LIMS1: variants seen among roughly 807,000 people sequenced by gnomAD.
LIMS1 encodes LIM and senescent cell antigen-like-containing domain protein 1.
A neutral mutation model predicts 44.1 loss-of-function variants in LIMS1; 18 were observed. The ratio of observed to expected loss-of-function variants is 0.41; its 90% CI spans 0.28 to 0.61. The LOEUF is 0.61. Ranked by LOEUF, LIMS1 falls within the 20% of genes least tolerant of loss-of-function variation. LIMS1 has a pLI of 0.32. For synonymous variants in LIMS1, 93 were observed against 149.1 expected, an observed-to-expected ratio of 0.62 and a Z score of 2.74; for missense variants, 201 against 422.0, an observed-to-expected ratio of 0.48 and a Z score of 4.59.
At chr2:108,608,867 A>G (rs929756584) in intron 1 of LIMS1, among the ~76,000 whole-genome samples, 1 of 152,176 alleles carries the variant, frequency 6.6e-6, no homozygotes, top group Non-Finnish European at 1.5e-5. Context: ...AGGGGGATCA[A>G]ATGAAATAGT....
chr2:108,627,999 G>C (rs550411239), intron 1 of LIMS1, among the ~76,000 whole-genome samples: 6 of 152,288 alleles, frequency 3.9e-5, no homozygotes, highest in East Asian at 3.9e-4. Flanking sequence ...AGAAACCAGC[G>C]TGTCAGCAGG....
chr2:108,590,511 T>C (rs936774551), intron 1 of LIMS1, among the ~76,000 whole-genome samples: 1 of 152,166 alleles, frequency 6.6e-6, no homozygotes, highest in Non-Finnish European at 1.5e-5. Flanking sequence ...TTAAAAAATA[T>C]ACAAAAATAA....
exon 10 of LIMS1, chr2:108,686,969 A>G (rs1381148553): frequency 6.6e-6 from 1 of 152,200 alleles, no homozygotes; most frequent in African/African-American, 2.4e-5. Context: ...AGCAAGTGTA[A>G]CATAATCAGG....
At chr2:108,686,192 A>C (rs1372381389) in exon 10 of LIMS1, 1 of 149,020 alleles carries the variant, frequency 6.7e-6, no homozygotes, top group Non-Finnish European at 1.5e-5. Context: ...GGTGGCGGGC[A>C]CCTGCAGTCC....
At chr2:108,544,898 T>G (rs1684435014) in intron 1 of LIMS1, among the ~76,000 whole-genome samples, 1 of 152,202 alleles carries the variant, frequency 6.6e-6, no homozygotes, top group African/African-American at 2.4e-5. Context: ...ATATGTATCC[T>G]TAAAAGATAA....
chr2:108,616,877 T>G (rs898166187), intron 1 of LIMS1, among the ~76,000 whole-genome samples: 5 of 152,198 alleles, frequency 3.3e-5, no homozygotes, highest in Admixed American at 3.3e-4. Context: ...GTTTGCCAGA[T>G]GAATGTGTGT....
At chr2:108,621,698 C>T (rs1688251513) in intron 1 of LIMS1, among the ~76,000 whole-genome samples, 2 of 152,122 alleles carry the variant, frequency 1.3e-5, no homozygotes, top group African/African-American at 2.4e-5. Flanking sequence ...TTCTCCAAAC[C>T]TACAGTGTTG....
intron 1 of LIMS1, among the ~76,000 whole-genome samples, chr2:108,634,284 G>A (rs1356473211): frequency 6.6e-6 from 1 of 152,204 alleles, no homozygotes; most frequent in Non-Finnish European, 1.5e-5. Context: ...TGACTCTCAT[G>A]TTAATTCAGC....
chr2:108,609,507 A>G (rs1687472191), intron 1 of LIMS1, among the ~76,000 whole-genome samples: 1 of 152,150 alleles, frequency 6.6e-6, no homozygotes, highest in African/African-American at 2.4e-5. Flanking sequence ...TGAGGCGCCC[A>G]CTGTTCCCTG....
chr2:108,548,769 G>A (rs977144902), intron 1 of LIMS1, among the ~76,000 whole-genome samples: 1 of 152,116 alleles, frequency 6.6e-6, no homozygotes. Flanking sequence ...TTTCTATGAC[G>A]GAAGTTACGG....
At chr2:108,564,624 A>G (rs748440910) in intron 1 of LIMS1, among the ~76,000 whole-genome samples, 2 of 151,952 alleles carry the variant, frequency 1.3e-5, no homozygotes, top group Non-Finnish European at 2.9e-5. Context: ...ACTCAGTTGT[A>G]CTCCCCAGTT....
chr2:108,681,641 C>A, intron 9 of LIMS1: 1 of 948,312 alleles, frequency 1.1e-6, no homozygotes, highest in Non-Finnish European at 1.3e-6. Flanking sequence ...TTCAGCATGG[C>A]GAGGCATGGT....
intron 1 of LIMS1, among the ~76,000 whole-genome samples, chr2:108,608,908 G>A (rs560823106): frequency 1.4e-4 from 21 of 152,246 alleles, no homozygotes; most frequent in Admixed American, 9.2e-4. Context: ...GATTATTACC[G>A]TCATTACTGC....
intron 9 of LIMS1, chr2:108,681,737 A>G: frequency 1.6e-5 from 4 of 245,020 alleles, no homozygotes; most frequent in Non-Finnish European, 2.6e-5. Context: ...CCTGGACTAC[A>G]TGCCTAGACC....
chr2:108,580,592 A>G (rs1200151815), intron 1 of LIMS1, among the ~76,000 whole-genome samples: 1 of 152,196 alleles, frequency 6.6e-6, no homozygotes, highest in Non-Finnish European at 1.5e-5. Flanking sequence ...ATTAATCCAC[A>G]TAGGAGGTGA....
intron 1 of LIMS1, among the ~76,000 whole-genome samples, chr2:108,598,428 G>C (rs1219880704): frequency 6.6e-6 from 1 of 152,206 alleles, no homozygotes; most frequent in African/African-American, 2.4e-5. Context: ...AGGAGAGACT[G>C]AGGAGTACTA....
intron 1 of LIMS1, among the ~76,000 whole-genome samples, chr2:108,614,997 G>T (rs10496423): frequency 6.6e-6 from 1 of 152,074 alleles, no homozygotes; most frequent in Non-Finnish European, 1.5e-5. Context: ...TCACACAGAA[G>T]TATTTAACCT....
chr2:108,562,077 G>A (rs1558788379), intron 1 of LIMS1, among the ~76,000 whole-genome samples: 2 of 152,190 alleles, frequency 1.3e-5, no homozygotes, highest in Middle Eastern at 3.4e-3. Context: ...CATTGTAATT[G>A]TTTTGAGATA....
intron 2 of LIMS1, chr2:108,660,578 C>T (rs1376234681): frequency 6.4e-6 from 2 of 314,460 alleles, no homozygotes; most frequent in African/African-American, 4.5e-5. Context: ...GGGCTACAGG[C>T]ACGTGCCACC....
Sources: allele counts gnomAD v4.1 joint callset (sites outside exome capture counted in the v4.1 genomes callset), GRCh38; gene constraint gnomAD v4.1.1; transcripts MANE v1.5; gene names NCBI Gene and HGNC (gene_info 2026-07-23, HGNC 2026-07-21).